DET1: variants seen among roughly 807,000 people sequenced by gnomAD.
DET1 encodes the protein DET1 homolog.
DET1 carries 22 observed loss-of-function variants against 43.7 expected under a neutral mutation model. The ratio of observed to expected loss-of-function variants is 0.50; its 90% CI spans 0.36 to 0.72. DET1 has a LOEUF of 0.72. DET1 is among the 30% of genes least tolerant of loss of function. DET1 has a pLI of 0.00. For missense variants in DET1, 713 were observed against 713.3 expected (o/e 1.00, Z 0.00); for synonymous variants, 315 against 266.2 (o/e 1.18, Z -1.79).
At chr15:88,527,131 T>C (rs2056684005) in intron 3 of DET1, among the ~76,000 whole-genome samples, 1 of 152,216 alleles carries the variant, frequency 6.6e-6, no homozygotes, top group Non-Finnish European at 1.5e-5. Context: ...TCCTCTCCTA[T>C]TCTCTTTGTT....
At chr15:88,514,051 G>A (rs557656651) in intron 4 of DET1, among the ~76,000 whole-genome samples, 2 of 149,618 alleles carry the variant, frequency 1.3e-5, no homozygotes, top group Non-Finnish European at 2.9e-5. Context: ...CGCCCGCCTC[G>A]GCCTCCCAAA....
downstream of DET1, chr15:88,511,369 G>A (rs2056199300): frequency 2.0e-6 from 2 of 976,646 alleles, no homozygotes; most frequent in South Asian, 9.5e-5. Context: ...CAGTCTACCT[G>A]TTCAGTCACA....
chr15:88,513,900 C>G (rs1210514927), intron 4 of DET1, among the ~76,000 whole-genome samples: 1 of 145,808 alleles, frequency 6.9e-6, no homozygotes, highest in Non-Finnish European at 1.5e-5. Context: ...CCCGGGTTCA[C>G]GCCATTCTCC....
At chr15:88,507,711 A>G (rs1446894377), downstream of DET1, among the ~76,000 whole-genome samples, 1 of 152,242 alleles carries the variant, frequency 6.6e-6, no homozygotes, top group Non-Finnish European at 1.5e-5. Flanking sequence ...TCCACTATCC[A>G]GTGCCCTATG....
At chr15:88,511,565 C>T (rs2056201560), downstream of DET1, 1 of 985,400 alleles carries the variant, frequency 1.0e-6, no homozygotes, top group Non-Finnish European at 1.2e-6. Context: ...TTCTGCCCTT[C>T]CTTCATCTGT....
chr15:88,517,962 G>A (rs2056390943), intron 3 of DET1, among the ~76,000 whole-genome samples: 1 of 151,932 alleles, frequency 6.6e-6, no homozygotes, highest in South Asian at 2.1e-4. Flanking sequence ...TTTGAGACAG[G>A]GTCTCACTGT....
chr15:88,502,506 A>G (rs1461957829), intron 8 of DET1: 1 of 152,216 alleles, frequency 6.6e-6, no homozygotes. Flanking sequence ...CTGGGCCAGG[A>G]AGAGCAGCTC....
In DET1 at chr15:88,516,048, TG is replaced by T. The variant is rs2056336888; in HGVS notation, c.1463+733del. Among the ~76,000 whole-genome samples, 1 of 152,238 alleles carries T rather than the reference TG, an allele frequency of 6.6e-6. No individual in the cohort carries two copies. The highest frequency in any genetic ancestry group is 1.5e-5 in the Non-Finnish European group (1 of 68,040). Reference sequence around the variant, plus strand: ...AGGCACATTTAATACACAATGAGACTGGATGATGAAATATATCTATCATAAA... The same window carrying T: ...AGGCACATTTAATACACAATGAGACTGATGATGAAATATATCTATCATAAA... On this transcript the variant is annotated intron_variant, in intron 4 of 4. Transcript: ENST00000268148. This position sits in a 1 kb window ranked among gnomAD's most constrained non-coding sequence, Gnocchi z 4.4.
intron 3 of DET1, among the ~76,000 whole-genome samples, chr15:88,523,384 T>A (rs554748796): frequency 9.9e-5 from 15 of 152,120 alleles, no homozygotes; most frequent in Non-Finnish European, 1.5e-4. Flanking sequence ...AACCATGTGT[T>A]CACAAGAATT....
downstream of DET1, among the ~76,000 whole-genome samples, chr15:88,510,549 A>G (rs2056186343): frequency 6.6e-6 from 1 of 152,176 alleles, no homozygotes; most frequent in South Asian, 2.1e-4. Context: ...ACACAATTAT[A>G]CCCAGTATCT....
At position 88,528,554 on chromosome 15, in the gene DET1, CAG is replaced by C. The variant is rs376633377; in HGVS notation, c.1084-770_1084-769del. Among the ~76,000 whole-genome samples the C allele has an allele frequency of 2.3e-3, 347 of 152,334 alleles. 2 individuals are homozygous for C. Among genetic ancestry groups the C allele is most frequent in the African/African-American group, 8.1e-3 (335 of 41,578 alleles). On this transcript the variant is annotated intron_variant, in intron 2 of 4. Coordinates refer to ENST00000268148, the MANE Select transcript of DET1 (RefSeq NM_001144074.3). Reference sequence around the variant, plus strand: ...AAAAGCATTCAAATGCCATAGGTGGCAGAGTTACTGCTTTTTCTAAATGGGCC... The same window carrying C: ...AAAAGCATTCAAATGCCATAGGTGGCAGTTACTGCTTTTTCTAAATGGGCC...
At chr15:88,517,049 T>C (rs2056363689) in intron 3 of DET1, 76 bp from the exon 4 acceptor site, 5 of 1,092,930 alleles carry the variant, frequency 4.6e-6, no homozygotes, top group South Asian at 3.3e-5. Flanking sequence ...TTGACAAATA[T>C]ATGTCTAAGA....
At chr15:88,532,313 A>G (rs1490780059) in intron 1 of DET1, among the ~76,000 whole-genome samples, 2 of 152,078 alleles carry the variant, frequency 1.3e-5, no homozygotes, top group African/African-American at 2.4e-5. Context: ...AAACAAACAA[A>G]CAAAAAAATC....
chr15:88,519,517 C>T (rs1003448715), intron 3 of DET1, among the ~76,000 whole-genome samples: 1 of 152,108 alleles, frequency 6.6e-6, no homozygotes, highest in Non-Finnish European at 1.5e-5. Flanking sequence ...TTCCAGCTCA[C>T]TCCCTCTATT....
chr15:88,538,862 AG>A (rs1460764112), intron 1 of DET1, among the ~76,000 whole-genome samples: 21 of 152,288 alleles, frequency 1.4e-4, no homozygotes, highest in African/African-American at 4.3e-4. Flanking sequence ...GGGGTCAGGT[AG>A]GTCAGATTTG....
intron 1 of DET1, among the ~76,000 whole-genome samples, chr15:88,535,779 A>G (rs28633159): frequency 5.7e-4 from 86 of 151,270 alleles, no homozygotes; most frequent in African/African-American, 1.8e-3. Context: ...AGAAAGAAAG[A>G]AAGGAAGGAA....
chr15:88,529,961 AAACTG>A (rs2056768410), intron 2 of DET1, among the ~76,000 whole-genome samples: 1 of 152,200 alleles, frequency 6.6e-6, no homozygotes, highest in South Asian at 2.1e-4. Context: ...TTCTTCCCCC[AAACTG>A]AAAAACCTTT....
chr15:88,536,540 G>A (rs1048271825), intron 1 of DET1, among the ~76,000 whole-genome samples: 13 of 152,120 alleles, frequency 8.5e-5, no homozygotes, highest in African/African-American at 2.4e-4. Context: ...AGCACTTTGG[G>A]AGGCTGAGGC....
intron 1 of DET1, chr15:88,532,015 C>T (rs1263694293): frequency 7.7e-6 from 2 of 259,694 alleles, no homozygotes; most frequent in South Asian, 7.8e-5. Context: ...GTATAAGACA[C>T]ATTCGGCTGG....
Sources: gnomAD v4.1 joint callset for allele counts (sites outside exome capture counted in the v4.1 genomes callset) on GRCh38, gnomAD v4.1.1 for gene constraint, Gnocchi (gnomAD v3.1) non-coding constraint, MANE v1.5 for transcripts, NCBI Gene and HGNC (gene_info 2026-07-23, HGNC 2026-07-21) for gene names.